Variants in PABPC4L observed in about 807,000 individuals in gnomAD.
PABPC4L encodes polyadenylate-binding protein 4-like.
For missense variants in PABPC4L, 452 were observed against 451.4 expected, an observed-to-expected ratio of 1.00 and a Z score of -0.01; for synonymous variants, 169 against 164.1, an observed-to-expected ratio of 1.03 and a Z score of -0.23.
chr4:134,191,854 A>AAAAT (rs747493871), downstream of PABPC4L, among the ~76,000 whole-genome samples: 56 of 152,090 alleles, frequency 3.7e-4, 1 homozygote, highest in East Asian at 2.7e-3. Flanking sequence ...AAAGCAAGCA[A>AAAAT]AAATAAATAA....
the PABPC4L span, among the ~76,000 whole-genome samples, chr4:134,159,368 C>G: frequency 1.3e-5 from 2 of 151,962 alleles, no homozygotes; most frequent in Non-Finnish European, 2.9e-5. Context: ...TCATAGTACC[C>G]GGCTGTAACA....
chr4:134,006,075 A>T, the PABPC4L span, among the ~76,000 whole-genome samples: 1 of 151,900 alleles, frequency 6.6e-6, no homozygotes, highest in South Asian at 2.1e-4. Flanking sequence ...AGTAAAATAT[A>T]TACAAATATA....
the PABPC4L span, among the ~76,000 whole-genome samples, chr4:133,973,286 T>G: frequency 6.6e-6 from 1 of 151,760 alleles, no homozygotes; most frequent in Non-Finnish European, 1.5e-5. Flanking sequence ...CCATGTCAAG[T>G]ATATATCATA....
the PABPC4L span, among the ~76,000 whole-genome samples, chr4:134,051,996 G>A: frequency 6.5e-4 from 99 of 151,822 alleles, no homozygotes; most frequent in African/African-American, 2.3e-3. Context: ...AATAGAAAAC[G>A]TTTCTTTTAA....
the PABPC4L span, among the ~76,000 whole-genome samples, chr4:134,160,206 C>T: frequency 3.3e-5 from 5 of 152,192 alleles, no homozygotes; most frequent in South Asian, 2.1e-4. Context: ...AGGGCCATGT[C>T]GGCTGTGGTG....
chr4:134,118,974 A>C, the PABPC4L span, among the ~76,000 whole-genome samples: 2 of 151,782 alleles, frequency 1.3e-5, no homozygotes, highest in Non-Finnish European at 1.5e-5. Context: ...TTTTTTCTAA[A>C]ATAGTTTAAA....
At chr4:134,188,298 T>C in the PABPC4L span, among the ~76,000 whole-genome samples, 1 of 152,144 alleles carries the variant, frequency 6.6e-6, no homozygotes, top group Non-Finnish European at 1.5e-5. Flanking sequence ...ATCAGATGCA[T>C]TGTTTTTATA....
chr4:134,033,166 A>T, the PABPC4L span, among the ~76,000 whole-genome samples: 1 of 151,598 alleles, frequency 6.6e-6, no homozygotes, highest in Non-Finnish European at 1.5e-5. Context: ...AAATTTTTTC[A>T]TCGCTATTAT....
chr4:134,087,184 T>C, the PABPC4L span, among the ~76,000 whole-genome samples: 1 of 152,000 alleles, frequency 6.6e-6, no homozygotes, highest in Admixed American at 6.6e-5. Context: ...CCAACCCAAA[T>C]GTCCAACAAT....
chr4:134,038,943 T>A, the PABPC4L span, among the ~76,000 whole-genome samples: 1 of 152,214 alleles, frequency 6.6e-6, no homozygotes, highest in African/African-American at 2.4e-5. Context: ...CTTTGCTGCT[T>A]TCTCTTGTAG....
At chr4:134,091,889 C>T in the PABPC4L span, among the ~76,000 whole-genome samples, 1 of 151,916 alleles carries the variant, frequency 6.6e-6, no homozygotes, top group African/African-American at 2.4e-5. Flanking sequence ...CTTAATGTAG[C>T]ATTGGATTCA....
the PABPC4L span, among the ~76,000 whole-genome samples, chr4:133,952,217 A>C: frequency 6.6e-6 from 1 of 152,184 alleles, no homozygotes; most frequent in Non-Finnish European, 1.5e-5. Flanking sequence ...TGGGGCTTCC[A>C]TGAAACCTTG....
the PABPC4L span, among the ~76,000 whole-genome samples, chr4:133,997,521 G>C: frequency 6.6e-6 from 1 of 151,914 alleles, no homozygotes; most frequent in African/African-American, 2.4e-5. Context: ...AAAACCTTTT[G>C]TATAGTTGCC....
the PABPC4L span, among the ~76,000 whole-genome samples, chr4:134,118,706 T>G: frequency 6.6e-6 from 1 of 151,890 alleles, no homozygotes; most frequent in South Asian, 2.1e-4. Flanking sequence ...GAGATTTCTC[T>G]TTTTTTCTTT....
At chr4:133,954,752 A>T in the PABPC4L span, among the ~76,000 whole-genome samples, 1 of 152,210 alleles carries the variant, frequency 6.6e-6, no homozygotes, top group South Asian at 2.1e-4. Flanking sequence ...AAACATATAA[A>T]TAGATGCTGT....
At chr4:134,139,661 G>A in the PABPC4L span, among the ~76,000 whole-genome samples, 1 of 150,952 alleles carries the variant, frequency 6.6e-6, no homozygotes, top group Non-Finnish European at 1.5e-5. Flanking sequence ...TACAAGAAAT[G>A]TTCTATTGGC....
the PABPC4L span, among the ~76,000 whole-genome samples, chr4:134,106,141 T>C: frequency 6.6e-6 from 1 of 151,604 alleles, no homozygotes; most frequent in Non-Finnish European, 1.5e-5. Context: ...CCGTGATTTG[T>C]CAACCTGTAA....
chr4:134,014,520 G>C, the PABPC4L span, among the ~76,000 whole-genome samples: 1 of 152,172 alleles, frequency 6.6e-6, no homozygotes, highest in African/African-American at 2.4e-5. Flanking sequence ...TGTCCCATCT[G>C]TGTGGGACCC....
At chr4:133,988,530 C>T in the PABPC4L span, among the ~76,000 whole-genome samples, 1 of 152,208 alleles carries the variant, frequency 6.6e-6, no homozygotes, top group Non-Finnish European at 1.5e-5. Context: ...CCATGTCTCA[C>T]ATCCAGGGCA....
Sources: allele counts gnomAD v4.1 joint callset (sites outside exome capture counted in the v4.1 genomes callset), GRCh38; gene constraint gnomAD v4.1.1; transcripts MANE v1.5; gene names NCBI Gene and HGNC (gene_info 2026-07-23, HGNC 2026-07-21).